Variants in CCDC124 observed in about 807,000 individuals in gnomAD.
CCDC124 encodes coiled-coil domain containing 124.
In CCDC124, 9 loss-of-function variants were observed where a neutral mutation model predicts 19.8. The observed-to-expected ratio is 0.45, with a 90% confidence interval of 0.27 to 0.79. CCDC124 has a LOEUF of 0.79. Among genes scored for constraint, CCDC124 ranks in the 30% least tolerant of loss-of-function variants. The pLI is 0.14. For synonymous variants in CCDC124, 126 were observed against 131.3 expected, an observed-to-expected ratio of 0.96 and a Z score of 0.27; for missense variants, 285 against 319.0, an observed-to-expected ratio of 0.89 and a Z score of 0.81.
chr19:17,942,665 G>A lies in CCDC124; in HGVS notation c.169G>A (p.Glu57Lys). Reference sequence around the variant, plus strand: ...CACGCCGCCCCCGCAGGAGGAGAAGGAGAAGCGGCGCCTCGACCAGCTGGA... The same window carrying A: ...CACGCCGCCCCCGCAGGAGGAGAAGAAGAAGCGGCGCCTCGACCAGCTGGA... Reference protein sequence around the residue: ...MRKEQRKEEKEKRRLDQLERK... With the variant: ...MRKEQRKEEKKKRRLDQLERK... The change falls in exon 3 of 5, where the codon GAG becomes AAG. Residue 57 changes from glutamate to lysine, a missense_variant. By Grantham distance (56) the Glu-to-Lys change is moderately conservative. Transcript: ENST00000445755. The surrounding 1 kb of genome is among the most constrained non-coding windows in gnomAD (Gnocchi z 4.2). The A allele has an allele frequency of 6.4e-7, 1 of 1,555,368 alleles. No homozygotes were observed. The highest frequency in any genetic ancestry group is 8.7e-7 in the Non-Finnish European group (1 of 1,149,490).
intron 2 of CCDC124, among the ~76,000 whole-genome samples, chr19:17,941,491 G>A (rs958447059): frequency 5.5e-5 from 8 of 144,174 alleles, no homozygotes; most frequent in African/African-American, 7.6e-5. Context: ...CAGCCTGGGC[G>A]ACTGAGAGAG....
Position 17,943,354 on chromosome 19 carries a change from A to T in CCDC124, c.443A>T (p.Glu148Val), listed in dbSNP as rs1453833271. ...EEGSVEARTIEDAIAVLSVAE... is the reference protein window; with the variant it reads ...EEGSVEARTIVDAIAVLSVAE... ...GGCAGCGTGGAGGCGCGCACCATCG[A>T]GGACGCCATTGCAGTGCTCAGGTAA... Residue 148 changes from glutamate to valine, a missense_variant, in exon 4 of 5, where the codon GAG becomes GTG. Glu to Val is a moderately radical substitution (Grantham distance 121). Transcript: ENST00000445755. 1 of 1,501,908 alleles carries T rather than the reference A, an allele frequency of 6.7e-7. No individual in the cohort carries two copies. Among genetic ancestry groups the T allele is most frequent in the African/African-American group, 1.5e-5 (1 of 67,568 alleles). The allele number at this position is 1,501,908 out of a possible 1,614,324, so 93.0% of individuals were successfully genotyped here. A position where few individuals can be genotyped will look rare whatever the true frequency, so the allele number is the denominator to read the frequency against.
rs890515042 is a variant in CCDC124 at position 17,943,366 on chromosome 19, C to A, written c.455C>A (p.Ala152Glu). ...GCGCGCACCATCGAGGACGCCATTG[C>A]AGTGCTCAGGTAACGGGGCGGGGCC... ...VEARTIEDAI[A>E]VLSVAEEAAD... Residue 152 changes from alanine (A) to glutamate (E), a missense_variant, in exon 4 of 5, where the codon GCA becomes GAA. Transcript: ENST00000445755. 1 of 1,584,948 alleles carries A rather than the reference C, an allele frequency of 6.3e-7. No homozygotes were observed.
At chr19:17,936,379 CT>C in intron 1 of CCDC124, 30 bp from the exon 2 acceptor site, 1 of 1,575,646 alleles carries the variant, frequency 6.3e-7, no homozygotes, top group Non-Finnish European at 8.6e-7. Flanking sequence ...CCTCCGGCCC[CT>C]GCTCCCCCAT....
chr19:17,943,214 A>T (rs558099896), intron 3 of CCDC124, 47 bp from the exon 4 acceptor site: 1 of 1,404,420 alleles, frequency 7.1e-7, no homozygotes, highest in African/African-American at 1.4e-5. Flanking sequence ...GGAACTGTGC[A>T]TCTTTGCTTA....
At position 17,937,632 on chromosome 19, in the gene CCDC124, A is replaced by G. The variant is rs542741954; in HGVS notation, c.159+1053A>G. The stretch of plus-strand genomic sequence containing the variant: ...ACGCCCCCACAGCAAAGAATGAGCC[A>G]GCCCCAGATGTCAGCAGTGCTGAGG... On this transcript the variant is annotated intron_variant, in intron 2 of 4. Transcript: ENST00000445755. Among the ~76,000 whole-genome samples, 10 of 152,254 alleles carry G rather than the reference A, an allele frequency of 6.6e-5. No individual in the cohort carries two copies. The South Asian group carries it at 2.1e-3, about 32-fold the overall frequency.
intron 1 of CCDC124, 41 bp from the exon 2 acceptor site, chr19:17,936,369 C>A: frequency 6.5e-7 from 1 of 1,537,814 alleles, no homozygotes; most frequent in East Asian, 2.3e-5. Flanking sequence ...GCCGATGTCC[C>A]CTCCGGCCCC....
At chr19:17,935,591 G>GT (rs1006911783) in intron 1 of CCDC124, among the ~76,000 whole-genome samples, 3 of 147,346 alleles carry the variant, frequency 2.0e-5, no homozygotes, top group Admixed American at 1.4e-4. Context: ...CAGCTTTTTG[G>GT]TTTTTTTTGA....
intron 1 of CCDC124, among the ~76,000 whole-genome samples, chr19:17,933,720 T>G (rs905261345): frequency 1.3e-5 from 2 of 152,168 alleles, no homozygotes; most frequent in Non-Finnish European, 2.9e-5. Flanking sequence ...TCATTCAGAC[T>G]TTTCCTTAGA....
At position 17,943,619 on chromosome 19, in the gene CCDC124, G is replaced by T; in HGVS notation, c.576G>T (p.Arg192=). The change falls in exon 5 of 5, where the codon CGG becomes CGT. Residue 192 remains arginine, a synonymous_variant. Transcript: ENST00000445755. ...PRLKQENPNM[R]LSQLKQLLKK... ...TCAAACAAGAGAACCCCAACATGCG[G>T]CTGTCGCAGCTGAAACAGCTGCTCA... 6.2e-7 allele frequency: 1 copy of T among 1,612,960 alleles called. No individual in the cohort carries two copies. The highest frequency in any genetic ancestry group is 2.2e-5 in the East Asian group (1 of 44,874).
At chr19:17,943,191 A>G in intron 3 of CCDC124, 70 bp from the exon 4 acceptor site, 1 of 1,264,106 alleles carries the variant, frequency 7.9e-7, no homozygotes, top group Non-Finnish European at 1.1e-6. Flanking sequence ...GCCAGTCTCT[A>G]TCTCATCTCC....
At chr19:17,937,878 C>T (rs1242274790) in intron 2 of CCDC124, among the ~76,000 whole-genome samples, 1 of 152,090 alleles carries the variant, frequency 6.6e-6, no homozygotes, top group African/African-American at 2.4e-5. Context: ...GAATTACGGG[C>T]ATGTGCCACC....
At chr19:17,934,744 C>G (rs902227653) in intron 1 of CCDC124, among the ~76,000 whole-genome samples, 2 of 152,018 alleles carry the variant, frequency 1.3e-5, no homozygotes, top group African/African-American at 2.4e-5. Flanking sequence ...GATTTCGCCA[C>G]TGCACTCCAG....
intron 2 of CCDC124, among the ~76,000 whole-genome samples, chr19:17,940,947 T>C (rs916358696): frequency 1.3e-5 from 2 of 151,630 alleles, no homozygotes; most frequent in Admixed American, 6.6e-5. Context: ...CTCAGGAGGC[T>C]GAGGCAGGAG....
chr19:17,942,000 G>A (rs1362898111), intron 2 of CCDC124, among the ~76,000 whole-genome samples: 1 of 152,104 alleles, frequency 6.6e-6, no homozygotes, highest in Non-Finnish European at 1.5e-5. Flanking sequence ...TCGGCCCCCT[G>A]GGGTCCGTGC....
chr19:17,941,688 T>C (rs118187185), intron 2 of CCDC124, among the ~76,000 whole-genome samples: 1 of 152,232 alleles, frequency 6.6e-6, no homozygotes, highest in East Asian at 1.9e-4. Flanking sequence ...TCCACTTTCC[T>C]GCTGTGCTGG....
At chr19:17,939,238 T>TA (rs2031123502) in intron 2 of CCDC124, among the ~76,000 whole-genome samples, 2 of 151,612 alleles carry the variant, frequency 1.3e-5, no homozygotes, top group African/African-American at 4.8e-5. Flanking sequence ...CTGCTAAAAA[T>TA]AAAAAAATTA....
chr19:17,938,055 C>T (rs534260268), intron 2 of CCDC124, among the ~76,000 whole-genome samples: 31 of 152,184 alleles, frequency 2.0e-4, no homozygotes, highest in Middle Eastern at 6.8e-3. Flanking sequence ...TTTTAAAAGC[C>T]GTCGTTTGGC....
rs1179151728 is a variant in CCDC124, at chr19:17,942,815, G to A, written c.319G>A (p.Asp107Asn). Reference protein sequence around the residue: ...RAQIEDTLRRDHQLREAPDTA... With the variant: ...RAQIEDTLRRNHQLREAPDTA... ...CCAGATCGAGGACACGCTGCGCCGA[G>A]ACCATCAGCTCAGGGAGGCCCCGGA... The change falls in exon 3 of 5, where the codon GAC becomes AAC. Residue 107 changes from aspartate to asparagine, a missense_variant. Coordinates refer to ENST00000445755, the MANE Select transcript of CCDC124 (RefSeq NM_001136203.2). The surrounding 1 kb of genome is among the most constrained non-coding windows in gnomAD (Gnocchi z 4.2). The A allele has an allele frequency of 6.5e-7, 1 of 1,534,944 alleles. No individual in the cohort carries two copies. Among genetic ancestry groups the A allele is most frequent in the South Asian group, 1.2e-5 (1 of 81,954 alleles).
Sources: allele counts gnomAD v4.1 joint callset (sites outside exome capture counted in the v4.1 genomes callset), GRCh38; gene constraint gnomAD v4.1.1; non-coding constraint Gnocchi (gnomAD v3.1); transcripts MANE v1.5; gene names NCBI Gene and HGNC (gene_info 2026-07-23, HGNC 2026-07-21).